Variants in MEIS2 observed in about 807,000 individuals in gnomAD.
The protein encoded by MEIS2 is Meis homeobox 2, also known as homeobox protein Meis2.
In MEIS2, 9 loss-of-function variants were observed where a neutral mutation model predicts 58.6. That is an observed-to-expected ratio of 0.15 (90% CI 0.09 to 0.27). The LOEUF (loss-of-function observed/expected upper bound fraction) is 0.27. Ranked by LOEUF, MEIS2 falls within the 10% of genes least tolerant of loss-of-function variation. MEIS2 has a pLI of 1.00. For synonymous variants in MEIS2, 221 were observed against 228.4 expected, an observed-to-expected ratio of 0.97 and a Z score of 0.29; for missense variants, 427 against 635.0, an observed-to-expected ratio of 0.67 and a Z score of 3.52.
At chr15:36,913,595 T>C (rs1341862644) in intron 9 of MEIS2, among the ~76,000 whole-genome samples, 1 of 152,090 alleles carries the variant, frequency 6.6e-6, no homozygotes, top group Non-Finnish European at 1.5e-5. Flanking sequence ...GTAAAAAAAA[T>C]AATTTTAAAA....
intron 8 of MEIS2, among the ~76,000 whole-genome samples, chr15:36,951,013 A>C (rs2058732163): frequency 6.6e-6 from 1 of 152,154 alleles, no homozygotes; most frequent in East Asian, 1.9e-4. Context: ...CTGCTCTAAC[A>C]GGGTCACACC....
At chr15:36,909,570 T>C (rs2056903830) in intron 9 of MEIS2, among the ~76,000 whole-genome samples, 1 of 152,148 alleles carries the variant, frequency 6.6e-6, no homozygotes, top group Non-Finnish European at 1.5e-5. Flanking sequence ...GGGAAATAAC[T>C]CAGGCTTTCT....
chr15:37,077,099 A>C (rs1891519447), intron 7 of MEIS2, among the ~76,000 whole-genome samples: 1 of 152,144 alleles, frequency 6.6e-6, no homozygotes, highest in African/African-American at 2.4e-5. Flanking sequence ...CTCATAATAA[A>C]ACATTTTATT....
At chr15:36,899,498 T>C (rs2056359145) in intron 9 of MEIS2, among the ~76,000 whole-genome samples, 2 of 152,220 alleles carry the variant, frequency 1.3e-5, no homozygotes, top group Admixed American at 1.3e-4. Flanking sequence ...ATTTGTAAGA[T>C]GAAATTTCCA....
Position 36,992,808 on chromosome 15 carries a change from G to C in MEIS2, c.901-42408C>G, listed in dbSNP as rs142542345. ...AGGAAGAGGGGGAGAGAAGGGGGGC[G>C]ATGAGAGGAATCTACTCAGGTTTTC... is the stretch of plus-strand genomic sequence containing the variant. On this transcript the variant is annotated intron_variant, in intron 8 of 11. Transcript: ENST00000561208. 2.8e-3 allele frequency among the ~76,000 whole-genome samples: 428 copies of C among 152,094 alleles called. 2 individuals carry two copies. Among genetic ancestry groups the C allele is most frequent in the African/African-American group, 0.01 (416 of 41,496 alleles).
chr15:36,963,443 A>G (rs1267955457), intron 8 of MEIS2, among the ~76,000 whole-genome samples: 1 of 152,146 alleles, frequency 6.6e-6, no homozygotes, highest in Non-Finnish European at 1.5e-5. Context: ...TATACTGACA[A>G]ACTCTCCTCC....
intron 11 of MEIS2, chr15:36,894,645 G>A: frequency 7.8e-7 from 1 of 1,276,538 alleles, no homozygotes; most frequent in South Asian, 1.3e-5. Flanking sequence ...AATAAAATGG[G>A]GGCAAATTAT....
intron 9 of MEIS2, among the ~76,000 whole-genome samples, chr15:36,911,270 CGT>C (rs57919785): frequency 2.6e-4 from 39 of 149,926 alleles, no homozygotes; most frequent in South Asian, 4.3e-4. Context: ...TTAAGAATAA[CGT>C]GTGTGTGTGT....
intron 8 of MEIS2, among the ~76,000 whole-genome samples, chr15:36,996,269 A>G (rs1033754697): frequency 6.6e-6 from 1 of 152,018 alleles, no homozygotes; most frequent in Non-Finnish European, 1.5e-5. Flanking sequence ...CATTCTGTTG[A>G]CAAGCGTCTC....
chr15:37,092,109 A>C (rs952817950), intron 6 of MEIS2, among the ~76,000 whole-genome samples: 14 of 152,206 alleles, frequency 9.2e-5, no homozygotes, highest in Admixed American at 2.0e-4. Context: ...AGATCACCAA[A>C]GATTCCCTCA....
chr15:36,893,905 T>C (rs1438939665), intron 11 of MEIS2, among the ~76,000 whole-genome samples: 1 of 152,216 alleles, frequency 6.6e-6, no homozygotes, highest in Non-Finnish European at 1.5e-5. Flanking sequence ...ACAAGGAAGT[T>C]TCAATGTTAT....
intron 9 of MEIS2, among the ~76,000 whole-genome samples, chr15:36,948,773 G>A (rs2058660031): frequency 2.6e-5 from 4 of 151,836 alleles, no homozygotes; most frequent in African/African-American, 9.7e-5. Flanking sequence ...GAATATGTAT[G>A]TTTACATATA....
intron 8 of MEIS2, among the ~76,000 whole-genome samples, chr15:36,974,741 G>A (rs1294083367): frequency 2.6e-5 from 4 of 152,234 alleles, no homozygotes; most frequent in Admixed American, 2.0e-4. Context: ...TTAAATCTGC[G>A]TGCCATGTTC....
intron 8 of MEIS2, among the ~76,000 whole-genome samples, chr15:36,992,027 T>A (rs1329471267): frequency 2.7e-5 from 4 of 146,478 alleles, no homozygotes; most frequent in Non-Finnish European, 4.5e-5. Context: ...GACCTCGTGA[T>A]CCGCCCGCCT....
chr15:37,005,571 C>A (rs1354330831), intron 8 of MEIS2, among the ~76,000 whole-genome samples: 1 of 149,648 alleles, frequency 6.7e-6, no homozygotes, highest in Non-Finnish European at 1.5e-5. Flanking sequence ...CATGATGGAA[C>A]TTTTTTTTTT....
intron 6 of MEIS2, among the ~76,000 whole-genome samples, chr15:37,086,145 C>G (rs1455474761): frequency 6.6e-6 from 1 of 152,096 alleles, no homozygotes; most frequent in Non-Finnish European, 1.5e-5. Flanking sequence ...AAGCTCCTTA[C>G]CCCTCATGAA....
intron 9 of MEIS2, among the ~76,000 whole-genome samples, chr15:36,925,715 C>G (rs2141312445): frequency 6.6e-6 from 1 of 152,318 alleles, no homozygotes. Flanking sequence ...AACACAAGCT[C>G]TGCTGTATAG....
At chr15:37,002,071 A>G (rs1202091831) in intron 8 of MEIS2, among the ~76,000 whole-genome samples, 1 of 152,166 alleles carries the variant, frequency 6.6e-6, no homozygotes, top group Non-Finnish European at 1.5e-5. Context: ...TTCTTGCTCA[A>G]AAACTCATTC....
At chr15:36,901,796 A>T (rs766290485) in intron 9 of MEIS2, among the ~76,000 whole-genome samples, 1 of 152,202 alleles carries the variant, frequency 6.6e-6, no homozygotes, top group Non-Finnish European at 1.5e-5. Flanking sequence ...AAAATTATCA[A>T]GTAAGTGATG....
Sources: allele counts gnomAD v4.1 joint callset (sites outside exome capture counted in the v4.1 genomes callset), GRCh38; gene constraint gnomAD v4.1.1; transcripts MANE v1.5; gene names NCBI Gene and HGNC (gene_info 2026-07-23, HGNC 2026-07-21).